PLCB1: variants seen among roughly 807,000 people sequenced by gnomAD.
PLCB1 encodes phospholipase C beta 1, also known as 1-phosphatidylinositol 4,5-bisphosphate phosphodiesterase beta-1.
Under a neutral mutation model 161.8 loss-of-function variants are expected in PLCB1, and 46 were observed. The ratio of observed to expected loss-of-function variants is 0.28; its 90% CI spans 0.22 to 0.36. PLCB1 has a LOEUF of 0.36. PLCB1 is among the 10% of genes least tolerant of loss of function. PLCB1 has a pLI of 1.00. For synonymous variants in PLCB1, 517 were observed against 503.7 expected (o/e 1.03, Z -0.35); for missense variants, 1,016 against 1,472.5 (o/e 0.69, Z 5.07).
rs554045637 is a variant in PLCB1, at chr20:8,852,894, G to C, written c.3424-28728G>C. On this transcript the variant is annotated intron_variant, in intron 31 of 31. Transcript: ENST00000338037. ...CTCCAGGTGTCATGAAGTGACCTCT[G>C]ATTTTGTTACTGCCCCTGAGTGGTG... Among the ~76,000 whole-genome samples, 213 of 152,316 alleles carry C rather than the reference G, an allele frequency of 1.4e-3. 1 individual carries two copies. Among genetic ancestry groups the C allele is most frequent in the African/African-American group, 4.8e-3 (201 of 41,578 alleles).
chr20:8,362,392 A>C (rs1328191784), intron 2 of PLCB1, among the ~76,000 whole-genome samples: 2 of 152,188 alleles, frequency 1.3e-5, no homozygotes, highest in Non-Finnish European at 2.9e-5. Context: ...TCTTAATATA[A>C]TGTTTCCTAG....
At chr20:8,806,959 A>G (rs1219770558) in intron 31 of PLCB1, among the ~76,000 whole-genome samples, 1 of 152,180 alleles carries the variant, frequency 6.6e-6, no homozygotes, top group Non-Finnish European at 1.5e-5. Flanking sequence ...CTAAATTATG[A>G]AAGACTTAAG....
At chr20:8,346,992 T>C (rs1212243824) in intron 2 of PLCB1, among the ~76,000 whole-genome samples, 1 of 152,068 alleles carries the variant, frequency 6.6e-6, no homozygotes, top group African/African-American at 2.4e-5. Flanking sequence ...TTTAAAGCAT[T>C]TATGGAGTGG....
At chr20:8,652,713 A>T (rs1296274003) in intron 7 of PLCB1, 1 of 152,080 alleles carries the variant, frequency 6.6e-6, no homozygotes, top group Non-Finnish European at 1.5e-5. Flanking sequence ...TGTCCTGTTG[A>T]GATTTCTTTT....
At chr20:8,395,829 A>C (rs189714839) in intron 3 of PLCB1, among the ~76,000 whole-genome samples, 263 of 152,120 alleles carry the variant, frequency 1.7e-3, no homozygotes, top group Non-Finnish European at 2.9e-3. Flanking sequence ...TAAAAAAAAA[A>C]CAAATTGTTA....
In PLCB1 at chr20:8,308,585, G is replaced by A. The variant is rs368741070; in HGVS notation, c.178-62797G>A. 2.0e-4 allele frequency among the ~76,000 whole-genome samples: 29 copies of A among 144,506 alleles called. No homozygotes were observed. The South Asian group carries it at 5.9e-3, about 30-fold the overall frequency. The allele number at this position is 144,506 out of a possible 152,430, so 94.8% of individuals were successfully genotyped here. A position where few individuals can be genotyped will look rare whatever the true frequency, so the allele number is the denominator to read the frequency against. On this transcript the variant is annotated intron_variant, in intron 2 of 31. Coordinates refer to ENST00000338037, the MANE Select transcript of PLCB1 (RefSeq NM_015192.4). Reference sequence around the variant, plus strand: ...TGAGCCGAGACCGTGCCACTGCGCTGCAGTCTGGGCAACAGAGCGAGATTC... The same window carrying A: ...TGAGCCGAGACCGTGCCACTGCGCTACAGTCTGGGCAACAGAGCGAGATTC...
intron 2 of PLCB1, among the ~76,000 whole-genome samples, chr20:8,185,720 A>G (rs921251215): frequency 1.3e-5 from 2 of 152,100 alleles, no homozygotes; most frequent in African/African-American, 2.4e-5. Context: ...TTTATTTATC[A>G]CTAATAATTA....
intron 3 of PLCB1, among the ~76,000 whole-genome samples, chr20:8,407,196 C>A (rs1241214557): frequency 6.6e-6 from 1 of 152,068 alleles, no homozygotes; most frequent in African/African-American, 2.4e-5. Flanking sequence ...AATAAGAAAT[C>A]TTTCATACAG....
At position 8,355,769 on chromosome 20, in the gene PLCB1, C is replaced by A. The variant is rs548334871; in HGVS notation, c.178-15613C>A. Among the ~76,000 whole-genome samples, 24 of 152,262 alleles carry A rather than the reference C, an allele frequency of 1.6e-4. No homozygotes were observed. The East Asian group carries it at 4.6e-3, about 29-fold the overall frequency. ...GAGTAGCACCATTATAGTAAGGACT[C>A]CTGCAGTAATCACCAAGTATAATGG... On this transcript the variant is annotated intron_variant, in intron 2 of 31. Transcript: ENST00000338037.
At chr20:8,843,805 C>G (rs1044403065) in intron 31 of PLCB1, among the ~76,000 whole-genome samples, 7 of 152,230 alleles carry the variant, frequency 4.6e-5, no homozygotes, top group African/African-American at 1.7e-4. Context: ...ATCCAAAACT[C>G]TGATCTTAAG....
Position 8,737,017 on chromosome 20 carries a change from T to G in PLCB1, c.2044-11T>G. 1 of 1,599,798 alleles carries G rather than the reference T, an allele frequency of 6.3e-7. No homozygotes were observed. Among genetic ancestry groups the G allele is most frequent in the South Asian group, 1.1e-5 (1 of 90,550 alleles). Reference sequence around the variant, plus strand: ...ATTCCTTATGGATTGATTGATTTATTGATTTTCTAGATTATTTCAGGTCAG... The same window carrying G: ...ATTCCTTATGGATTGATTGATTTATGGATTTTCTAGATTATTTCAGGTCAG... On this transcript the variant is annotated splice_polypyrimidine_tract_variant and intron_variant, in intron 19 of 31. Transcript: ENST00000338037.
intron 1 of PLCB1, among the ~76,000 whole-genome samples, chr20:8,149,919 T>A (rs1055556606): frequency 6.6e-6 from 1 of 152,142 alleles, no homozygotes; most frequent in South Asian, 2.1e-4. Context: ...ATGGAACAAA[T>A]GTAATTTAAA....
intron 3 of PLCB1, among the ~76,000 whole-genome samples, chr20:8,397,936 T>A (rs1386661499): frequency 2.0e-5 from 3 of 152,234 alleles, no homozygotes; most frequent in Non-Finnish European, 4.4e-5. Flanking sequence ...AATGCCTTCC[T>A]TTACATATGC....
intron 3 of PLCB1, among the ~76,000 whole-genome samples, chr20:8,459,705 C>T (rs1981485729): frequency 2.0e-5 from 3 of 152,118 alleles, no homozygotes; most frequent in Non-Finnish European, 4.4e-5. Flanking sequence ...TCATTGAAAC[C>T]ATTGCATGTG....
intron 9 of PLCB1, among the ~76,000 whole-genome samples, chr20:8,659,270 G>C (rs1288805724): frequency 6.6e-6 from 1 of 152,136 alleles, no homozygotes; most frequent in Non-Finnish European, 1.5e-5. Flanking sequence ...TAAGTTACCT[G>C]GAAGTTTTTA....
At chr20:8,419,344 G>A (rs1473226174) in intron 3 of PLCB1, among the ~76,000 whole-genome samples, 13 of 152,190 alleles carry the variant, frequency 8.5e-5, no homozygotes, top group Middle Eastern at 3.4e-3. Context: ...GCCACTAGCC[G>A]AGGACAGACC....
chr20:8,487,079 C>A (rs1982761242), intron 3 of PLCB1, among the ~76,000 whole-genome samples: 1 of 152,142 alleles, frequency 6.6e-6, no homozygotes, highest in South Asian at 2.1e-4. Context: ...TTTCTATTTT[C>A]TTTTTGTATT....
intron 3 of PLCB1, among the ~76,000 whole-genome samples, chr20:8,625,685 G>A (rs964441933): frequency 2.6e-5 from 4 of 151,962 alleles, no homozygotes; most frequent in African/African-American, 9.7e-5. Context: ...TCAAATCTAA[G>A]TGTTCCTTTA....
chr20:8,856,312 C>A (rs918374305), intron 31 of PLCB1, among the ~76,000 whole-genome samples: 12 of 151,954 alleles, frequency 7.9e-5, no homozygotes, highest in Admixed American at 1.3e-4. Context: ...CATACTGAAC[C>A]TATACTGTAT....
Sources: gnomAD v4.1 joint callset for allele counts (sites outside exome capture counted in the v4.1 genomes callset) on GRCh38, gnomAD v4.1.1 for gene constraint, MANE v1.5 for transcripts, NCBI Gene and HGNC (gene_info 2026-07-23, HGNC 2026-07-21) for gene names.